CPED1: variants seen among roughly 807,000 people sequenced by gnomAD.
The protein encoded by CPED1 is cadherin like and PC-esterase domain containing 1.
A neutral mutation model predicts 128.2 loss-of-function variants in CPED1; 114 were observed. That is an observed-to-expected ratio of 0.89 (90% CI 0.76 to 1.04). The LOEUF is 1.04. CPED1 is among the 50% of genes least tolerant of loss of function. The probability of loss-of-function intolerance (pLI) is 0.00; values close to 1 mark genes in which losing one functional copy is unlikely to be tolerated. For missense variants in CPED1, 1,211 were observed against 1,207.1 expected (o/e 1.00, Z -0.05); for synonymous variants, 462 against 426.7 (o/e 1.08, Z -1.02).
intron 10 of CPED1, among the ~76,000 whole-genome samples, 190 bp from the exon 11 acceptor site, chr7:121,128,192 C>T (rs13221538): frequency 0.2 from 30,988 of 152,098 alleles, 3,839 homozygotes; most frequent in African/African-American, 0.34. Flanking sequence ...TCCTCCCTGT[C>T]AGATATGAAG....
chr7:121,060,615 T>C (rs1793634970), intron 4 of CPED1, among the ~76,000 whole-genome samples: 1 of 152,138 alleles, frequency 6.6e-6, no homozygotes, highest in Non-Finnish European at 1.5e-5. Flanking sequence ...CTAGCTAATC[T>C]GGTGGGGAGG....
intron 14 of CPED1, among the ~76,000 whole-genome samples, chr7:121,138,110 A>T (rs1241934673): frequency 1.3e-5 from 2 of 152,064 alleles, no homozygotes; most frequent in African/African-American, 4.8e-5. Flanking sequence ...ATAAAATAAG[A>T]TTTAAAAATA....
At chr7:121,259,798 G>C (rs1053292904) in intron 18 of CPED1, among the ~76,000 whole-genome samples, 5 of 151,670 alleles carry the variant, frequency 3.3e-5, no homozygotes, top group Non-Finnish European at 5.9e-5. Flanking sequence ...CTGAGAGGAG[G>C]GTGCAATTAA....
At chr7:121,079,278 C>G (rs1263719055) in intron 5 of CPED1, among the ~76,000 whole-genome samples, 2 of 151,938 alleles carry the variant, frequency 1.3e-5, no homozygotes. Context: ...AACAGATCCC[C>G]AAAGAAGAAA....
At chr7:121,288,615 T>G (rs1792631685) in intron 22 of CPED1, among the ~76,000 whole-genome samples, 1 of 152,218 alleles carries the variant, frequency 6.6e-6, no homozygotes, top group Non-Finnish European at 1.5e-5. Flanking sequence ...GAATCACATT[T>G]AAGATTGTTG....
intron 8 of CPED1, among the ~76,000 whole-genome samples, chr7:121,125,481 C>G (rs568697602): frequency 8.5e-5 from 13 of 152,164 alleles, no homozygotes; most frequent in South Asian, 2.1e-4. Context: ...CCCCAACAGG[C>G]CCCAGTGTGT....
At chr7:121,132,340 G>T (rs189350431) in intron 12 of CPED1, among the ~76,000 whole-genome samples, 2 of 151,968 alleles carry the variant, frequency 1.3e-5, no homozygotes, top group South Asian at 2.1e-4. Context: ...AGTACATCAC[G>T]CAGACAGGGA....
At position 121,142,096 on chromosome 7, in the gene CPED1, A is replaced by G. The variant is rs1399321019; in HGVS notation, c.2010A>G (p.Pro670=). ...YKLTIYREDR[P]SLPLFEAFTA... ...TCACCATCTATAGAGAAGACCGCCC[A>G]AGTCTGCCCTTGTTTGAGGCCTTCA... is the stretch of plus-strand genomic sequence containing the variant. The change falls in exon 16 of 23, where the codon CCA becomes CCG. Residue 670 remains proline, a synonymous_variant. Coordinates refer to ENST00000310396, the MANE Select transcript of CPED1 (RefSeq NM_024913.5). 34 of 1,612,292 alleles carry G rather than the reference A, an allele frequency of 2.1e-5. 1 individual carries two copies. The highest frequency in any genetic ancestry group is 2.8e-5 in the Non-Finnish European group (33 of 1,178,846).
At position 121,140,836 on chromosome 7, in the gene CPED1, C is replaced by T. The variant is rs1031006560; in HGVS notation, c.1709C>T (p.Thr570Ile). The T allele has an allele frequency of 3.7e-6, 6 of 1,610,630 alleles. No homozygotes were observed. The highest frequency in any genetic ancestry group is 4.2e-6 in the Non-Finnish European group (5 of 1,178,136). Residue 570 changes from threonine (T) to isoleucine (I), a missense_variant, in exon 15 of 23, where the codon ACA becomes ATA. Coordinates refer to ENST00000310396, the MANE Select transcript of CPED1 (RefSeq NM_024913.5). ...KEIHCSDDEN[T>I]PCHIKQIFTH... ...TTTGTTTTTTTAACAGATGAAAACA[C>T]ACCATGTCATATCAAGCAGATCTTC...
intron 16 of CPED1, among the ~76,000 whole-genome samples, chr7:121,154,622 T>G (rs965182344): frequency 2.0e-5 from 3 of 152,144 alleles, no homozygotes; most frequent in Non-Finnish European, 2.9e-5. Flanking sequence ...CTTGGCTCAC[T>G]ACAACCTCCA....
chr7:121,214,130 A>T (rs566719343), intron 16 of CPED1, among the ~76,000 whole-genome samples: 1 of 152,116 alleles, frequency 6.6e-6, no homozygotes, highest in Non-Finnish European at 1.5e-5. Context: ...ATGAAGTTAT[A>T]TATTTGTGGC....
intron 14 of CPED1, among the ~76,000 whole-genome samples, chr7:121,138,009 A>C (rs966938720): frequency 1.2e-4 from 18 of 151,544 alleles, no homozygotes; most frequent in Non-Finnish European, 2.2e-4. Flanking sequence ...TGAATATGTT[A>C]GATAGGCACT....
intron 2 of CPED1, among the ~76,000 whole-genome samples, chr7:120,995,367 A>G (rs762230371): frequency 3.9e-5 from 6 of 152,110 alleles, no homozygotes; most frequent in Non-Finnish European, 8.8e-5. Context: ...CCACAACACA[A>G]CAAGGTTATT....
chr7:121,059,981 G>C (rs989746983), intron 4 of CPED1, among the ~76,000 whole-genome samples: 7 of 152,138 alleles, frequency 4.6e-5, no homozygotes, highest in Admixed American at 4.6e-4. Context: ...GGAGAGGCGC[G>C]AGCGGGAACC....
At chr7:121,287,832 C>T (rs1292857958) in intron 22 of CPED1, among the ~76,000 whole-genome samples, 1 of 152,048 alleles carries the variant, frequency 6.6e-6, no homozygotes, top group Non-Finnish European at 1.5e-5. Flanking sequence ...ATATTTTTCA[C>T]CTGCATCCTA....
rs1327451124 is a variant in CPED1, at chr7:121,266,773, C to T, written c.2598C>T (p.Ser866=). 6.2e-7 allele frequency: 1 copy of T among 1,612,590 alleles called. No homozygotes were observed. The highest frequency in any genetic ancestry group is 8.5e-7 in the Non-Finnish European group (1 of 1,178,976). ...TTGGTGGTGTTCAGTGGCTTAATTC[C>T]AATCACCTGCAAATTATTCACAAAG... is the stretch of plus-strand genomic sequence containing the variant. ...LVVGGVQWLN[S]NHLQIIHKVL... Residue 866 remains serine (S), a synonymous_variant, in exon 20 of 23, where the codon TCC becomes TCT. Transcript: ENST00000310396.
chr7:121,161,771 T>C (rs944942555), intron 16 of CPED1, among the ~76,000 whole-genome samples: 1 of 152,134 alleles, frequency 6.6e-6, no homozygotes, highest in Non-Finnish European at 1.5e-5. Flanking sequence ...TTTTAATAAC[T>C]GGCAATTACT....
intron 2 of CPED1, among the ~76,000 whole-genome samples, chr7:121,006,828 G>A (rs1290121142): frequency 6.6e-6 from 1 of 152,062 alleles, no homozygotes; most frequent in African/African-American, 2.4e-5. Context: ...GTGCAACGTG[G>A]GTGGCATCTC....
chr7:121,141,869 A>T (rs1795912348), intron 15 of CPED1, 104 bp from the exon 16 acceptor site: 1 of 830,468 alleles, frequency 1.2e-6, no homozygotes, highest in Non-Finnish European at 1.9e-6. Flanking sequence ...CTTTCCTGTT[A>T]TTTATTCAAA....
Sources: gnomAD v4.1 joint callset for allele counts (sites outside exome capture counted in the v4.1 genomes callset) on GRCh38, gnomAD v4.1.1 for gene constraint, MANE v1.5 for transcripts, NCBI Gene and HGNC (gene_info 2026-07-23, HGNC 2026-07-21) for gene names.